Variants in CCDC191 observed in about 807,000 individuals in gnomAD.
The protein encoded by CCDC191 is coiled-coil domain-containing protein 191.
CCDC191 carries 99 observed loss-of-function variants against 114.0 expected under a neutral mutation model. The ratio of observed to expected loss-of-function variants is 0.87; its 90% CI spans 0.74 to 1.03. The LOEUF is 1.03. Ranked by LOEUF, CCDC191 falls within the 50% of genes least tolerant of loss-of-function variation. CCDC191 has a pLI of 0.00. For synonymous variants in CCDC191, 351 were observed against 376.0 expected (o/e 0.93, Z 0.77); for missense variants, 973 against 1,087.0 (o/e 0.90, Z 1.47).
intron 7 of CCDC191, among the ~76,000 whole-genome samples, chr3:114,022,736 C>G (rs1448358770): frequency 6.6e-6 from 1 of 151,972 alleles, no homozygotes; most frequent in Non-Finnish European, 1.5e-5. Context: ...GGGCAGGAGA[C>G]CCCACAGATG....
chr3:114,017,403 A>T (rs2076177101), intron 8 of CCDC191, among the ~76,000 whole-genome samples: 1 of 152,134 alleles, frequency 6.6e-6, no homozygotes, highest in East Asian at 1.9e-4. Flanking sequence ...GAGATGTATT[A>T]TTCAGTTTAC....
intron 8 of CCDC191, among the ~76,000 whole-genome samples, chr3:114,012,941 G>A (rs1222697508): frequency 1.3e-5 from 2 of 152,182 alleles, no homozygotes; most frequent in African/African-American, 4.8e-5. Context: ...CTCTATAATG[G>A]TTGTGCGGGG....
At chr3:113,978,827 G>A in intron 15 of CCDC191, 31 bp downstream of exon 15, 1 of 1,596,698 alleles carries the variant, frequency 6.3e-7, no homozygotes, top group Non-Finnish European at 8.6e-7. Flanking sequence ...GCAATGAGAT[G>A]TATTTAAGGT....
At chr3:113,984,667 C>T (rs1328118492) in intron 13 of CCDC191, 1 of 152,208 alleles carries the variant, frequency 6.6e-6, no homozygotes, top group Non-Finnish European at 1.5e-5. Context: ...CCTATAAATG[C>T]ACCTATCTCA....
At chr3:114,031,999 G>C (rs2076412554) in intron 6 of CCDC191, among the ~76,000 whole-genome samples, 1 of 152,054 alleles carries the variant, frequency 6.6e-6, no homozygotes, top group Non-Finnish European at 1.5e-5. Flanking sequence ...AAAGTACTTT[G>C]AAAAGTAGAA....
At chr3:114,052,421 C>T (rs190648411) in intron 2 of CCDC191, among the ~76,000 whole-genome samples, 1 of 152,238 alleles carries the variant, frequency 6.6e-6, no homozygotes, top group East Asian at 1.9e-4. Context: ...CTGGGACTCT[C>T]AACACTCACA....
intron 16 of CCDC191, among the ~76,000 whole-genome samples, chr3:113,968,774 T>C (rs1352934140): frequency 6.6e-6 from 1 of 152,034 alleles, no homozygotes; most frequent in Non-Finnish European, 1.5e-5. Flanking sequence ...CATTTTTAAA[T>C]TGGATTTTTT....
intron 11 of CCDC191, chr3:114,003,971 T>G: frequency 1.0e-6 from 1 of 985,400 alleles, no homozygotes; most frequent in Non-Finnish European, 1.2e-6. Flanking sequence ...ATAGTTTAGT[T>G]TAAATAAGGG....
chr3:114,011,012 T>C lies in CCDC191; in HGVS notation c.1173A>G (p.Gln391=), dbSNP rs560339513. 6.2e-7 allele frequency: 1 copy of C among 1,610,814 alleles called. No individual in the cohort carries two copies. The highest frequency in any genetic ancestry group is 1.3e-5 in the African/African-American group (1 of 74,848). ...GTTTCCGGTTATACTCAGTGGCCAG[T>C]TGTTGTTTTCTAAGCAACAAAGCAC... ...NDLREENRKQ[Q]LATEYNRKQV... is the part of the protein sequence containing the mutation. The change falls in exon 9 of 17, where the codon CAA becomes CAG. Residue 391 remains glutamine (Q), a synonymous_variant. Coordinates refer to ENST00000295878, the MANE Select transcript of CCDC191 (RefSeq NM_020817.2).
chr3:113,965,109 T>C lies in CCDC191; in HGVS notation c.*46A>G, dbSNP rs369522532. ...TGTGGGTGGGTGGAGATAACACACA[T>C]ACAGACTAGTCGAGCTTCCTGTCCT... On this transcript the variant is annotated 3_prime_UTR_variant, in exon 17 of 17. Transcript: ENST00000295878. The C allele has an allele frequency of 2.4e-6, 3 of 1,269,478 alleles. No individual in the cohort carries two copies. Among genetic ancestry groups the C allele is most frequent in the East Asian group, 4.8e-5 (2 of 41,532 alleles). 78.6% of individuals were successfully genotyped at this position (1,269,478 alleles called of 1,614,324 possible).
In CCDC191 at chr3:114,002,455, C is replaced by T. The variant is rs1218315702; in HGVS notation, c.2061+1G>A. 3.7e-6 allele frequency: 6 copies of T among 1,600,586 alleles called. No individual in the cohort carries two copies. Among genetic ancestry groups the T allele is most frequent in the Admixed American group, 1.7e-5 (1 of 58,414 alleles). On this transcript the variant is annotated splice_donor_variant, in intron 12 of 16. Coordinates refer to ENST00000295878, the MANE Select transcript of CCDC191 (RefSeq NM_020817.2). LOFTEE classifies it high-confidence loss of function. ...CTCAGTTTGCATTTTGAATCTATTA[C>T]CAATTTTTCTTCTTCTTGTTTTTTC...
intron 13 of CCDC191, among the ~76,000 whole-genome samples, chr3:113,990,026 A>G (rs758059543): frequency 1.3e-5 from 2 of 152,120 alleles, no homozygotes; most frequent in Non-Finnish European, 1.5e-5. Context: ...GAAATCAATA[A>G]CTGAAGTTTA....
At chr3:114,015,154 A>AT (rs1002558880) in intron 8 of CCDC191, among the ~76,000 whole-genome samples, 15 of 152,086 alleles carry the variant, frequency 9.9e-5, no homozygotes, top group African/African-American at 3.4e-4. Context: ...GCCTGTTAAA[A>AT]TAAAAAAAAA....
At chr3:114,042,159 T>C (rs907104837) in intron 4 of CCDC191, among the ~76,000 whole-genome samples, 1 of 152,204 alleles carries the variant, frequency 6.6e-6, no homozygotes, top group African/African-American at 2.4e-5. Context: ...ACAGCATTAA[T>C]TGCTATTCTA....
intron 16 of CCDC191, among the ~76,000 whole-genome samples, chr3:113,970,669 T>A (rs1940710726): frequency 6.6e-6 from 1 of 152,160 alleles, no homozygotes; most frequent in Non-Finnish European, 1.5e-5. Flanking sequence ...CTGCACCCAT[T>A]AACTCATCAT....
chr3:113,971,581 G>A (rs957715041), intron 16 of CCDC191, among the ~76,000 whole-genome samples: 4 of 152,080 alleles, frequency 2.6e-5, no homozygotes, highest in African/African-American at 9.7e-5. Context: ...TTGGTTTGCC[G>A]GTATTTGGTT....
intron 9 of CCDC191, among the ~76,000 whole-genome samples, chr3:114,006,615 T>TA (rs1553747213): frequency 4.7e-5 from 4 of 84,770 alleles, no homozygotes; most frequent in East Asian, 4.2e-4. Flanking sequence ...TATATATATA[T>TA]ATAAATATAT....
In CCDC191 at chr3:114,005,831, A is replaced by G. The variant is rs1214387949; in HGVS notation, c.1545T>C (p.Pro515=). The change falls in exon 10 of 17, where the codon CCT becomes CCC. Residue 515 remains proline, a synonymous_variant. Transcript: ENST00000295878. ...GSLQNVSLSA[P]GNKQHKTLGA... ...CCAGGGTCTTGTGCTGCTTATTGCC[A>G]GGTGCACTCAGAGAGACATTCTGAA... 3.1e-6 allele frequency: 5 copies of G among 1,613,998 alleles called. No individual in the cohort carries two copies. Among genetic ancestry groups the G allele is most frequent in the Admixed American group, 1.7e-5 (1 of 60,004 alleles).
chr3:114,036,263 T>C (rs2107735862), intron 5 of CCDC191, among the ~76,000 whole-genome samples: 1 of 152,316 alleles, frequency 6.6e-6, no homozygotes, highest in Admixed American at 6.5e-5. Context: ...ATATTAATAA[T>C]ATTAACGTTA....
Sources: allele counts gnomAD v4.1 joint callset (sites outside exome capture counted in the v4.1 genomes callset), GRCh38; gene constraint gnomAD v4.1.1; transcripts MANE v1.5; gene names NCBI Gene and HGNC (gene_info 2026-07-23, HGNC 2026-07-21).